The following TMEM161B variants were observed in gnomAD, a reference collection of about 807,000 sequenced individuals.
TMEM161B encodes the protein transmembrane protein 161B.
In TMEM161B, 34 loss-of-function variants were observed where a neutral mutation model predicts 61.8. The observed-to-expected ratio is 0.55, with a 90% CI of 0.42 to 0.73. The LOEUF (loss-of-function observed/expected upper bound fraction) is 0.73. TMEM161B is among the 30% of genes least tolerant of loss of function. The pLI, the probability that TMEM161B is intolerant of heterozygous loss-of-function variation, is 0.00. For synonymous variants in TMEM161B, 167 were observed against 192.8 expected, an observed-to-expected ratio of 0.87 and a Z score of 1.11; for missense variants, 456 against 558.5, an observed-to-expected ratio of 0.82 and a Z score of 1.85.
downstream of TMEM161B, among the ~76,000 whole-genome samples, chr5:88,192,280 C>T (rs183799653): frequency 7.9e-5 from 12 of 151,954 alleles, no homozygotes; most frequent in Admixed American, 1.3e-4. Context: ...AAAATACACA[C>T]TCTGATCCAT....
In TMEM161B at chr5:88,195,483, C is replaced by A; in HGVS notation, c.*728G>T. On this transcript the variant is annotated 3_prime_UTR_variant, in exon 12 of 12. Transcript: ENST00000296595. ...CCTATTAAAAGGAACTAGTTAGGAT[C>A]ACAGAATAAAACAAAATATGGCAGG... 1 of 983,808 alleles carries A rather than the reference C, an allele frequency of 1.0e-6. No individual in the cohort carries two copies. The highest frequency in any genetic ancestry group is 1.2e-6 in the Non-Finnish European group (1 of 828,744). 60.9% of individuals were successfully genotyped at this position (983,808 alleles called of 1,614,324 possible).
intron 1 of TMEM161B, among the ~76,000 whole-genome samples, chr5:88,267,804 C>T (rs573460348): frequency 6.6e-6 from 1 of 151,968 alleles, no homozygotes; most frequent in East Asian, 2.0e-4. Context: ...CCATCCTTTG[C>T]TTCGTAAATG....
At chr5:88,257,151 C>G (rs1755088329) in intron 1 of TMEM161B, among the ~76,000 whole-genome samples, 1 of 152,020 alleles carries the variant, frequency 6.6e-6, no homozygotes, top group Non-Finnish European at 1.5e-5. Flanking sequence ...AGCCTGTAAT[C>G]CCAGCTACTT....
chr5:88,195,607 A>C lies in TMEM161B; in HGVS notation c.*604T>G. 1.0e-6 allele frequency: 1 copy of C among 984,804 alleles called. No individual in the cohort carries two copies. Among genetic ancestry groups the C allele is most frequent in the East Asian group, 1.1e-4 (1 of 8,830 alleles). 61.0% of individuals were successfully genotyped at this position (984,804 alleles called of 1,614,324 possible). A position where few individuals can be genotyped will look rare whatever the true frequency, so the allele number is the denominator to read the frequency against. ...TATGTTTTAAAACAATACTCTTGCT[A>C]TTCTCAAGCAGCAGTAGTTATATAT... On this transcript the variant is annotated 3_prime_UTR_variant, in exon 12 of 12. Transcript: ENST00000296595.
intron 8 of TMEM161B, 27 bp downstream of exon 8, chr5:88,205,787 A>C: frequency 6.2e-7 from 1 of 1,608,186 alleles, no homozygotes; most frequent in Non-Finnish European, 8.5e-7. Context: ...ATTTATCTGC[A>C]TGTGCTTATG....
rs1302634756 is a variant in TMEM161B, at chr5:88,195,090, A to G, written c.*1121T>C. On this transcript the variant is annotated 3_prime_UTR_variant, in exon 12 of 12. Coordinates refer to ENST00000296595, the MANE Select transcript of TMEM161B (RefSeq NM_153354.5). ...TGTAGACCTGATTTGAGAGGGAAAG[A>G]TTCTGATTTTTGGAAATGACAGAAA... The G allele has an allele frequency of 2.1e-6, 2 of 950,294 alleles. No individual in the cohort carries two copies. Among genetic ancestry groups the G allele is most frequent in the Non-Finnish European group, 2.5e-6 (2 of 797,980 alleles). 58.9% of individuals were successfully genotyped at this position (950,294 alleles called of 1,614,324 possible). A position where few individuals can be genotyped will look rare whatever the true frequency, so the allele number is the denominator to read the frequency against.
At chr5:88,266,193 G>A (rs1037790564) in intron 1 of TMEM161B, among the ~76,000 whole-genome samples, 1 of 152,196 alleles carries the variant, frequency 6.6e-6, no homozygotes, top group Non-Finnish European at 1.5e-5. Context: ...TATACATAAT[G>A]TATGAGAGAA....
rs1209060243 is a variant in TMEM161B at position 88,196,504 on chromosome 5, C to G, written c.1187-16G>C. The G allele has an allele frequency of 6.5e-7, 1 of 1,546,688 alleles. No individual in the cohort carries two copies. Among genetic ancestry groups the G allele is most frequent in the South Asian group, 1.2e-5 (1 of 80,448 alleles). ...GAATGATTACCTAGAAAATCAAAGA[C>G]ACAAATACAATTTGAAGAGTAACTA... On this transcript the variant is annotated splice_polypyrimidine_tract_variant and intron_variant, in intron 11 of 11. Coordinates refer to ENST00000296595, the MANE Select transcript of TMEM161B (RefSeq NM_153354.5).
intron 2 of TMEM161B, among the ~76,000 whole-genome samples, chr5:88,236,932 G>T (rs1292892798): frequency 6.6e-6 from 1 of 152,086 alleles, no homozygotes; most frequent in Non-Finnish European, 1.5e-5. Context: ...AGTGATTGTA[G>T]AAAAGTTGTA....
chr5:88,232,787 G>T (rs1420534179), intron 2 of TMEM161B, among the ~76,000 whole-genome samples: 1 of 152,126 alleles, frequency 6.6e-6, no homozygotes, highest in African/African-American at 2.4e-5. Flanking sequence ...TGTTAGCCAG[G>T]ATGGTCTCCA....
At chr5:88,267,106 T>C (rs1218909994) in intron 1 of TMEM161B, among the ~76,000 whole-genome samples, 1 of 152,118 alleles carries the variant, frequency 6.6e-6, no homozygotes, top group African/African-American at 2.4e-5. Flanking sequence ...AAGTCAAAAA[T>C]TAATCTTAAA....
At chr5:88,268,093 C>T (rs1756649294) in intron 1 of TMEM161B, among the ~76,000 whole-genome samples, 2 of 152,170 alleles carry the variant, frequency 1.3e-5, no homozygotes, top group Non-Finnish European at 2.9e-5. Context: ...CTTTAAGGTG[C>T]ATGCAAATCT....
intron 4 of TMEM161B, among the ~76,000 whole-genome samples, chr5:88,224,325 G>A (rs758594597): frequency 2.6e-5 from 4 of 152,084 alleles, no homozygotes; most frequent in Non-Finnish European, 4.4e-5. Flanking sequence ...CTATTTCAAA[G>A]AACTCATCAA....
chr5:88,250,293 T>A (rs1754168433), intron 1 of TMEM161B, among the ~76,000 whole-genome samples: 1 of 152,040 alleles, frequency 6.6e-6, no homozygotes, highest in South Asian at 2.1e-4. Context: ...TCTTCCTGAG[T>A]GGCTTTGGTG....
At chr5:88,222,727 G>C (rs1749230625) in intron 4 of TMEM161B, among the ~76,000 whole-genome samples, 1 of 152,102 alleles carries the variant, frequency 6.6e-6, no homozygotes. Context: ...TACAAATTAA[G>C]ACAGACTTTC....
At position 88,199,130 on chromosome 5, in the gene TMEM161B, T is replaced by C. The variant is rs766982004; in HGVS notation, c.935A>G (p.Asp312Gly). 1.9e-6 allele frequency: 3 copies of C among 1,610,502 alleles called. No homozygotes were observed. The highest frequency in any genetic ancestry group is 2.2e-5 in the South Asian group (2 of 90,642). The change falls in exon 10 of 12, where the codon GAT (aspartate) becomes GGT (glycine). Residue 312 changes from aspartate (D) to glycine (G), a missense_variant. By Grantham distance (94) the Asp-to-Gly change is moderately conservative. Around this residue, in one of 3 missense-constraint regions of TMEM161B, gnomAD observed 367 missense variants for 427.3 expected, o/e 0.86. Transcript: ENST00000296595. ...GATTATTAACCAGAGTCGCAGAGTA[T>C]CGAATGTGGCTTCTGTCATTCTACA... ...SIPLMTEATF[D>G]TLRLWLIILL...
chr5:88,249,257 C>G (rs975739638), intron 1 of TMEM161B, among the ~76,000 whole-genome samples: 5 of 152,080 alleles, frequency 3.3e-5, no homozygotes, highest in Non-Finnish European at 1.5e-5. Flanking sequence ...AGAAAGGACT[C>G]AGTCCCTAAG....
intron 2 of TMEM161B, among the ~76,000 whole-genome samples, chr5:88,236,798 G>A (rs1402031843): frequency 1.3e-5 from 2 of 152,174 alleles, no homozygotes; most frequent in East Asian, 1.9e-4. Flanking sequence ...AACATAGCAA[G>A]TGAACTGCAT....
chr5:88,248,618 C>G (rs961300430), intron 1 of TMEM161B, among the ~76,000 whole-genome samples: 2 of 151,378 alleles, frequency 1.3e-5, no homozygotes, highest in South Asian at 4.2e-4. Context: ...CAGGGAGACC[C>G]AGGCTGCTAG....
Sources: gnomAD v4.1 joint callset for allele counts (sites outside exome capture counted in the v4.1 genomes callset) on GRCh38, gnomAD v4.1.1 for gene constraint, gnomAD v4.1.1 regional missense constraint, MANE v1.5 for transcripts, NCBI Gene and HGNC (gene_info 2026-07-23, HGNC 2026-07-21) for gene names.